The following SPAG16 variants were observed in gnomAD, a reference collection of about 807,000 sequenced individuals.
SPAG16 encodes the protein sperm-associated antigen 16 protein.
SPAG16 carries 86 observed loss-of-function variants against 80.4 expected under a neutral mutation model. That is an observed-to-expected ratio of 1.07 (90% CI 0.90 to 1.28). The LOEUF is 1.28. SPAG16 is among the 50% of genes most tolerant of loss of function. The pLI is 0.00. For missense variants in SPAG16, 870 were observed against 765.3 expected, an observed-to-expected ratio of 1.14 and a Z score of -1.61; for synonymous variants, 294 against 265.9, an observed-to-expected ratio of 1.11 and a Z score of -1.03.
intron 12 of SPAG16, among the ~76,000 whole-genome samples, chr2:214,003,253 T>C (rs1158977274): frequency 2.6e-5 from 4 of 152,244 alleles, no homozygotes; most frequent in Admixed American, 2.6e-4. Flanking sequence ...GATCGGTTAA[T>C]ATAAATTAAT....
At chr2:213,770,560 A>T (rs1014568641) in intron 10 of SPAG16, among the ~76,000 whole-genome samples, 1 of 152,184 alleles carries the variant, frequency 6.6e-6, no homozygotes, top group Non-Finnish European at 1.5e-5. Context: ...TCAATCCATC[A>T]CATAGGTATT....
chr2:213,419,507 T>C (rs573437370), intron 9 of SPAG16, among the ~76,000 whole-genome samples: 31 of 152,254 alleles, frequency 2.0e-4, no homozygotes, highest in African/African-American at 7.5e-4. Flanking sequence ...CTGAGATTTG[T>C]AGTACTCGTG....
chr2:213,800,370 C>A (rs999378530), intron 10 of SPAG16, among the ~76,000 whole-genome samples: 2 of 125,210 alleles, frequency 1.6e-5, no homozygotes, highest in African/African-American at 5.6e-5. Context: ...CTCCCTCTCT[C>A]CCTTTCTTCT....
chr2:213,947,840 A>G (rs1360453426), intron 12 of SPAG16, among the ~76,000 whole-genome samples: 3 of 152,112 alleles, frequency 2.0e-5, no homozygotes, highest in African/African-American at 7.2e-5. Flanking sequence ...TTTGATTATT[A>G]TAACCGTATA....
intron 10 of SPAG16, among the ~76,000 whole-genome samples, chr2:213,648,805 A>G (rs548372037): frequency 1.3e-5 from 2 of 152,270 alleles, no homozygotes; most frequent in South Asian, 2.1e-4. Flanking sequence ...AAGTACTCCA[A>G]TTTGCTTAAC....
At chr2:214,271,620 G>A (rs867566943) in intron 15 of SPAG16, among the ~76,000 whole-genome samples, 1 of 151,984 alleles carries the variant, frequency 6.6e-6, no homozygotes, top group Non-Finnish European at 1.5e-5. Context: ...GGCCAACATG[G>A]AAAACCCTGT....
At chr2:213,882,000 G>A (rs2106031286) in intron 11 of SPAG16, among the ~76,000 whole-genome samples, 1 of 152,256 alleles carries the variant, frequency 6.6e-6, no homozygotes, top group Middle Eastern at 3.4e-3. Flanking sequence ...TTTGAGGTAT[G>A]TTCCTTTGAT....
chr2:213,913,659 A>ATGTATATGTACATGTACATATG (rs1559581624), intron 11 of SPAG16, among the ~76,000 whole-genome samples: 10 of 98,212 alleles, frequency 1.0e-4, no homozygotes, highest in African/African-American at 3.1e-4. Context: ...ATGTACATAT[A>ATGTATATGTACATGTACATATG]TGTATATGTA....
chr2:213,368,455 A>G, intron 8 of SPAG16, among the ~76,000 whole-genome samples: 1 of 152,212 alleles, frequency 6.6e-6, no homozygotes, highest in Non-Finnish European at 1.5e-5. Flanking sequence ...CACAGCCAAT[A>G]TCATACTGAA....
At chr2:213,840,410 C>A (rs1478481627) in intron 10 of SPAG16, among the ~76,000 whole-genome samples, 1 of 152,144 alleles carries the variant, frequency 6.6e-6, no homozygotes. Context: ...CCCACAATCT[C>A]AGACAAACTC....
chr2:213,732,597 C>A (rs1314929561), intron 10 of SPAG16, among the ~76,000 whole-genome samples: 1 of 152,062 alleles, frequency 6.6e-6, no homozygotes, highest in African/African-American at 2.4e-5. Flanking sequence ...TTTTCTAATT[C>A]TGTGAAAAAT....
chr2:214,168,208 T>G (rs1216679199), intron 15 of SPAG16, among the ~76,000 whole-genome samples: 1 of 151,984 alleles, frequency 6.6e-6, no homozygotes, highest in Non-Finnish European at 1.5e-5. Context: ...GCCAGGCTGA[T>G]CTCAAACTCC....
At chr2:213,388,118 T>G (rs958492277) in intron 9 of SPAG16, among the ~76,000 whole-genome samples, 1 of 152,178 alleles carries the variant, frequency 6.6e-6, no homozygotes, top group Admixed American at 6.5e-5. Flanking sequence ...AGCACCTACC[T>G]TCAGCCACCC....
intron 3 of SPAG16, among the ~76,000 whole-genome samples, chr2:213,308,128 C>T (rs527717570): frequency 3.9e-5 from 6 of 152,160 alleles, no homozygotes; most frequent in South Asian, 2.1e-4. Flanking sequence ...ACTCAAGAGA[C>T]GATGATTGTT....
chr2:213,347,326 C>A (rs1340317729), intron 6 of SPAG16, among the ~76,000 whole-genome samples: 3 of 151,950 alleles, frequency 2.0e-5, no homozygotes, highest in African/African-American at 2.4e-5. Context: ...TTGATCTTTT[C>A]AAAAAATCAG....
At chr2:213,373,923 TAAAAG>T (rs2125195685) in intron 8 of SPAG16, among the ~76,000 whole-genome samples, 1 of 152,276 alleles carries the variant, frequency 6.6e-6, no homozygotes, top group African/African-American at 2.4e-5. Flanking sequence ...GAAAATATAA[TAAAAG>T]AGAAGCAGAA....
At chr2:214,290,584 T>C (rs1693727642) in intron 15 of SPAG16, among the ~76,000 whole-genome samples, 3 of 152,234 alleles carry the variant, frequency 2.0e-5, no homozygotes, top group Non-Finnish European at 4.4e-5. Flanking sequence ...ATTTCCATTT[T>C]TATTTATTTC....
Position 213,385,765 on chromosome 2 carries a change from CGTT to C in SPAG16, c.942+10649_942+10651del, listed in dbSNP as rs2067395933. On this transcript the variant is annotated intron_variant, in intron 9 of 15. Transcript: ENST00000331683. ...TATGAAGATTTAAGATTTTTAAGTA[CGTT>C]GTCTCAGATTTCTTCATCTCTGTCC... is the stretch of plus-strand genomic sequence containing the variant. Among the ~76,000 whole-genome samples, 3 of 145,278 alleles carry C rather than the reference CGTT, an allele frequency of 2.1e-5. No homozygotes were observed. The South Asian group carries it at 6.8e-4, about 33-fold the overall frequency.
At position 214,309,732 on chromosome 2, in the gene SPAG16, T is replaced by C. The variant is rs543385960; in HGVS notation, c.1721-100408T>C. Among the ~76,000 whole-genome samples the C allele has an allele frequency of 2.0e-5, 3 of 152,276 alleles. No homozygotes were observed. The East Asian group carries it at 5.8e-4, about 29-fold the overall frequency. ...GGGGACTTCTATTGGGCCCCAACTTTGTTCTCTGGTTTGAACCTTGAGGTT... is the reference window on the plus strand; with the variant it reads ...GGGGACTTCTATTGGGCCCCAACTTCGTTCTCTGGTTTGAACCTTGAGGTT... On this transcript the variant is annotated intron_variant, in intron 15 of 15. Coordinates refer to ENST00000331683, the MANE Select transcript of SPAG16 (RefSeq NM_024532.5).
Sources: allele counts gnomAD v4.1 joint callset (sites outside exome capture counted in the v4.1 genomes callset), GRCh38; gene constraint gnomAD v4.1.1; transcripts MANE v1.5; gene names NCBI Gene and HGNC (gene_info 2026-07-23, HGNC 2026-07-21).